CRY2: variants seen among roughly 807,000 people sequenced by gnomAD.
The protein encoded by CRY2 is cryptochrome circadian regulator 2.
CRY2 carries 31 observed loss-of-function variants against 69.5 expected under a neutral mutation model. That is an observed-to-expected ratio of 0.45 (90% CI 0.34 to 0.60). CRY2 has a LOEUF of 0.60. Among genes scored for constraint, CRY2 ranks in the 20% least tolerant of loss-of-function variants. The pLI, the probability that CRY2 is intolerant of heterozygous loss-of-function variation, is 0.02. For missense variants in CRY2, 606 were observed against 797.8 expected, an observed-to-expected ratio of 0.76 and a Z score of 2.90; for synonymous variants, 303 against 312.2, an observed-to-expected ratio of 0.97 and a Z score of 0.31.
chr11:45,870,990 G>A (rs1389717826), intron 10 of CRY2, 56 bp downstream of exon 10: 6 of 1,463,880 alleles, frequency 4.1e-6, no homozygotes, highest in Admixed American at 1.8e-5. Flanking sequence ...CACCACTTCA[G>A]TCATTCAGGA....
At chr11:45,858,919 G>A in intron 3 of CRY2, 46 bp downstream of exon 3, 1 of 1,596,082 alleles carries the variant, frequency 6.3e-7, no homozygotes, top group Non-Finnish European at 8.5e-7. Flanking sequence ...GTGAGAGTTA[G>A]TAATTTGGGC....
intron 5 of CRY2, among the ~76,000 whole-genome samples, chr11:45,862,420 T>C (rs1352350575): frequency 6.6e-6 from 1 of 152,182 alleles, no homozygotes; most frequent in Non-Finnish European, 1.5e-5. Context: ...GCAAGGTAGG[T>C]ACTAAGCTGT....
chr11:45,867,879 G>A, intron 6 of CRY2, 127 bp downstream of exon 6: 4 of 1,246,630 alleles, frequency 3.2e-6, no homozygotes, highest in South Asian at 2.8e-5. Context: ...GGGCCTAAGT[G>A]TGTGCAGATA....
intron 1 of CRY2, among the ~76,000 whole-genome samples, chr11:45,852,282 A>G (rs935060828): frequency 2.6e-5 from 4 of 152,200 alleles, no homozygotes; most frequent in Admixed American, 6.5e-5. Flanking sequence ...CAACACCACC[A>G]TCTCCAATGC....
In CRY2 at chr11:45,870,852, A is replaced by G. The variant is rs920996892; in HGVS notation, c.1560A>G (p.Ala520=). ...LSRYRGLCLL[A]SVPSCVEDLS... is the part of the protein sequence containing the mutation. ...TCGCCTCTCTCCCAGGTCTACTGGC[A>G]TCTGTCCCTTCCTGTGTGGAAGACC... is the stretch of plus-strand genomic sequence containing the variant. The change falls in exon 10 of 12, where the codon GCA becomes GCG. Residue 520 remains alanine (A), a synonymous_variant. Transcript: ENST00000616080. 2.5e-6 allele frequency: 4 copies of G among 1,613,556 alleles called. No individual in the cohort carries two copies. The African/African-American group carries it at 4.0e-5, about 16-fold the overall frequency.
chr11:45,873,114 T>C (rs962295398), intron 11 of CRY2, among the ~76,000 whole-genome samples: 1 of 152,220 alleles, frequency 6.6e-6, no homozygotes, highest in Admixed American at 6.5e-5. Flanking sequence ...TGGCTTCTCC[T>C]TTCCCAAGGG....
Position 45,856,087 on chromosome 11 carries a change from C to G in CRY2, c.321C>G (p.Phe107Leu), listed in dbSNP as rs200067613. Residue 107 changes from phenylalanine (F) to leucine (L), a missense_variant, in exon 2 of 12, where the codon TTC becomes TTG. By Grantham distance (22) the Phe-to-Leu change is conservative. Coordinates refer to ENST00000616080, the MANE Select transcript of CRY2 (RefSeq NM_021117.5). ...GQPADVFPRLFKEWGVTRLTF... is the reference protein window; with the variant it reads ...GQPADVFPRLLKEWGVTRLTF... Reference sequence around the variant, plus strand: ...CAGCCGACGTGTTCCCAAGGCTGTTCAAGGTAAGCGTGCAGAGCCCCAGAG... The same window carrying G: ...CAGCCGACGTGTTCCCAAGGCTGTTGAAGGTAAGCGTGCAGAGCCCCAGAG... 6.2e-7 allele frequency: 1 copy of G among 1,613,306 alleles called. No individual in the cohort carries two copies. The highest frequency in any genetic ancestry group is 8.5e-7 in the Non-Finnish European group (1 of 1,179,286).
chr11:45,869,621 T>G lies in CRY2; in HGVS notation c.998T>G (p.Ile333Ser). The change falls in exon 7 of 12, where the codon ATC (isoleucine) becomes AGC (serine). Residue 333 changes from isoleucine (I) to serine (S), a missense_variant. By Grantham distance (142) the Ile-to-Ser change is moderately radical (BLOSUM62 -2). Coordinates refer to ENST00000616080, the MANE Select transcript of CRY2 (RefSeq NM_021117.5). ...PRFDRMEGNPICIQIPWDRNP... is the reference protein window; with the variant it reads ...PRFDRMEGNPSCIQIPWDRNP... ...TTTGACCGCATGGAGGGGAACCCCA[T>G]CTGCATCCAGATCCCCTGGGACCGC... 2 of 1,614,216 alleles carry G rather than the reference T, an allele frequency of 1.2e-6. No individual in the cohort carries two copies. Among genetic ancestry groups the G allele is most frequent in the South Asian group, 2.2e-5 (2 of 91,088 alleles).
intron 5 of CRY2, among the ~76,000 whole-genome samples, chr11:45,866,244 G>A (rs1367698514): frequency 1.3e-5 from 2 of 152,184 alleles, no homozygotes; most frequent in African/African-American, 4.8e-5. Flanking sequence ...GCTGGGTGGA[G>A]CAATCTGGGC....
At chr11:45,867,566 G>T (rs1295086941) in intron 5 of CRY2, 46 bp from the exon 6 acceptor site, 1 of 1,608,756 alleles carries the variant, frequency 6.2e-7, no homozygotes, top group African/African-American at 1.3e-5. Flanking sequence ...TTTTTCCTCT[G>T]TTACATCCAA....
At position 45,881,910 on chromosome 11, in the gene CRY2, G is replaced by C. The variant is rs1042545113; in HGVS notation, c.*999G>C. On this transcript the variant is annotated 3_prime_UTR_variant, in exon 12 of 12. Coordinates refer to ENST00000616080, the MANE Select transcript of CRY2 (RefSeq NM_021117.5). ...GGGAAACCATTCTAGTCTTTATTCT[G>C]TTGGCTTCCAGGGCCTGTCCTGGAC... 6.6e-6 allele frequency: 1 copy of C among 152,264 alleles called. No homozygotes were observed. The highest frequency in any genetic ancestry group is 6.5e-5 in the Admixed American group (1 of 15,286). 9.4% of individuals were successfully genotyped at this position (152,264 alleles called of 1,614,324 possible).
intron 5 of CRY2, chr11:45,867,281 C>T (rs1490994174): frequency 2.2e-5 from 6 of 277,360 alleles, no homozygotes; most frequent in Non-Finnish European, 3.4e-5. Context: ...TTAGAGAGTT[C>T]ATTCAGTGCT....
rs183002980 is a variant in CRY2 at position 45,867,894 on chromosome 11, G to A, written c.882+142G>A. ...GGGCCTAAGTGTGTGCAGATAGTCC[G>A]GAGGAGGAGAGAAGACTCAATATCC... On this transcript the variant is annotated intron_variant, in intron 6 of 11. Transcript: ENST00000616080. The A allele has an allele frequency of 1.2e-4, 132 of 1,078,150 alleles. 1 individual carries two copies. In the East Asian group the frequency reaches 2.6e-3, roughly 21 times the overall value. 66.8% of individuals were successfully genotyped at this position (1,078,150 alleles called of 1,614,324 possible).
At chr11:45,864,012 A>G (rs2086310039) in intron 5 of CRY2, among the ~76,000 whole-genome samples, 1 of 152,218 alleles carries the variant, frequency 6.6e-6, no homozygotes, top group African/African-American at 2.4e-5. Flanking sequence ...ACCATTTTGT[A>G]ACCCTCAATA....
Position 45,883,033 on chromosome 11 carries a change from G to A in CRY2, c.*2122G>A. ...TATGTCCAGTAGCCTGGAGCTCCAT[G>A]GTGGCTTCATGCCTCCCTTCTCCCA... is the stretch of plus-strand genomic sequence containing the variant. On this transcript the variant is annotated 3_prime_UTR_variant, in exon 12 of 12. Coordinates refer to ENST00000616080, the MANE Select transcript of CRY2 (RefSeq NM_021117.5). 3.6e-6 allele frequency: 1 copy of A among 276,012 alleles called. No individual in the cohort carries two copies. The highest frequency in any genetic ancestry group is 6.7e-6 in the Non-Finnish European group (1 of 148,170). The allele number at this position is 276,012 out of a possible 1,614,324, so 17.1% of individuals were successfully genotyped here. A position where few individuals can be genotyped will look rare whatever the true frequency, so the allele number is the denominator to read the frequency against.
chr11:45,868,629 C>A (rs1263827321), intron 6 of CRY2, among the ~76,000 whole-genome samples: 1 of 151,988 alleles, frequency 6.6e-6, no homozygotes, highest in Non-Finnish European at 1.5e-5. Flanking sequence ...GTTGTGTCTA[C>A]ATTTGTTTTT....
At chr11:45,871,467 T>C (rs2086381769) in intron 10 of CRY2, among the ~76,000 whole-genome samples, 1 of 152,000 alleles carries the variant, frequency 6.6e-6, no homozygotes, top group African/African-American at 2.4e-5. Context: ...GGATGGTCAG[T>C]AGGGCAGGGC....
Position 45,869,666 on chromosome 11 carries a change from A to G in CRY2, c.1043A>G (p.Lys348Arg), listed in dbSNP as rs142425392. 2.5e-6 allele frequency: 4 copies of G among 1,614,120 alleles called. No homozygotes were observed. Among genetic ancestry groups the G allele is most frequent in the Non-Finnish European group, 3.4e-6 (4 of 1,180,042 alleles). Residue 348 changes from lysine to arginine, a missense_variant, in exon 7 of 12, where the codon AAG becomes AGG. By Grantham distance (26) the Lys-to-Arg change is conservative (BLOSUM62 2). This residue lies in a region of CRY2 where 382 missense variants were observed against 508.9 expected (regional missense o/e 0.75). Transcript: ENST00000616080. ...PWDRNPEALAKWAEGKTGFPW... is the reference protein window; with the variant it reads ...PWDRNPEALARWAEGKTGFPW... ...GACCGCAATCCTGAGGCCCTGGCCAAGTGGGCTGAGGGCAAGACAGGCTTC... is the reference window on the plus strand; with the variant it reads ...GACCGCAATCCTGAGGCCCTGGCCAGGTGGGCTGAGGGCAAGACAGGCTTC...
intron 5 of CRY2, 71 bp downstream of exon 5, chr11:45,862,219 C>T (rs2086293736): frequency 7.0e-7 from 1 of 1,433,936 alleles, no homozygotes; most frequent in African/African-American, 1.4e-5. Context: ...AGGTCATGTC[C>T]ATGTCCTTTA....
Sources: gnomAD v4.1 joint callset for allele counts (sites outside exome capture counted in the v4.1 genomes callset) on GRCh38, gnomAD v4.1.1 for gene constraint, gnomAD v4.1.1 regional missense constraint, MANE v1.5 for transcripts, NCBI Gene and HGNC (gene_info 2026-07-23, HGNC 2026-07-21) for gene names.